LETM1: variants seen among roughly 807,000 people sequenced by gnomAD.
LETM1 encodes the protein mitochondrial proton/calcium exchanger protein.
In LETM1, 50 loss-of-function variants were observed where a neutral mutation model predicts 74.5. The observed-to-expected ratio is 0.67, with a 90% CI of 0.53 to 0.85. The LOEUF is 0.85. LETM1 is among the 40% of genes least tolerant of loss of function. The pLI, the probability that LETM1 is intolerant of heterozygous loss-of-function variation, is 0.00. For missense variants in LETM1, 824 were observed against 967.8 expected (o/e 0.85, Z 1.97); for synonymous variants, 446 against 407.1 (o/e 1.10, Z -1.15).
chr4:1,822,687 G>A (rs749034388), intron 9 of LETM1: 12 of 353,198 alleles, frequency 3.4e-5, no homozygotes, highest in South Asian at 1.5e-4. Context: ...CTCTGCCAGC[G>A]CCCCTCACAG....
At chr4:1,845,097 G>T (rs563963893) in intron 2 of LETM1, among the ~76,000 whole-genome samples, 127 of 151,912 alleles carry the variant, frequency 8.4e-4, no homozygotes, top group African/African-American at 3.0e-3. Context: ...GGCTGAGGCA[G>T]GAGAATTGCT....
At chr4:1,825,512 G>A (rs1457899182) in intron 7 of LETM1, 52 bp downstream of exon 7, 3 of 1,581,888 alleles carry the variant, frequency 1.9e-6, no homozygotes, top group African/African-American at 1.3e-5. Context: ...TTTCGAGGCT[G>A]ATGTTTCCCT....
chr4:1,835,064 C>T, intron 4 of LETM1, 82 bp from the exon 5 acceptor site: 1 of 1,345,010 alleles, frequency 7.4e-7, no homozygotes, highest in Non-Finnish European at 1.0e-6. Context: ...CTGTGCCCGA[C>T]CCCCACTCCC....
At chr4:1,855,641 C>A (rs1713214917) in intron 1 of LETM1, among the ~76,000 whole-genome samples, 1 of 152,352 alleles carries the variant, frequency 6.6e-6, no homozygotes, top group Admixed American at 6.5e-5. Flanking sequence ...ACCCGGGGGA[C>A]CCGGCCGCCT....
intron 1 of LETM1, 64 bp downstream of exon 1, chr4:1,855,805 G>T: frequency 1.0e-6 from 1 of 998,158 alleles, no homozygotes; most frequent in Non-Finnish European, 1.3e-6. Flanking sequence ...CGAACCCGCG[G>T]GTCGTCCGCG....
At chr4:1,815,611 C>T (rs998197211) in intron 13 of LETM1, 53 bp downstream of exon 13, 3 of 1,602,314 alleles carry the variant, frequency 1.9e-6, no homozygotes, top group African/African-American at 1.3e-5. Context: ...CCCTGCCCCA[C>T]CCCACTCCAG....
In LETM1 at chr4:1,831,339, G is replaced by A. The variant is rs558986417; in HGVS notation, c.1080+1405C>T. On this transcript the variant is annotated intron_variant, in intron 6 of 13. Coordinates refer to ENST00000302787, the MANE Select transcript of LETM1 (RefSeq NM_012318.3). ...CCACAGACATCTGCGGGACAGCGGT[G>A]CTGCTTGCTACCGCTGGGAACGGGT... 9.2e-5 allele frequency among the ~76,000 whole-genome samples: 14 copies of A among 152,364 alleles called. No individual in the cohort carries two copies. In the South Asian group the frequency reaches 2.7e-3, roughly 29 times the overall value.
At chr4:1,844,963 G>A (rs940434018) in intron 2 of LETM1, among the ~76,000 whole-genome samples, 5 of 151,226 alleles carry the variant, frequency 3.3e-5, no homozygotes, top group African/African-American at 7.3e-5. Flanking sequence ...AGGCCGAGGC[G>A]GGCAGATCAC....
chr4:1,821,894 C>T (rs368359142), intron 10 of LETM1, among the ~76,000 whole-genome samples: 5 of 152,196 alleles, frequency 3.3e-5, no homozygotes, highest in South Asian at 2.1e-4. Flanking sequence ...TGAAACCTGC[C>T]GACTGGCATC....
chr4:1,832,702 G>A, intron 6 of LETM1, 42 bp downstream of exon 6: 3 of 1,582,168 alleles, frequency 1.9e-6, no homozygotes, highest in Non-Finnish European at 1.7e-6. Flanking sequence ...AAACGAAAAG[G>A]TAAAACACCA....
intron 11 of LETM1, 137 bp from the exon 12 acceptor site, chr4:1,817,051 GC>G: frequency 1.5e-6 from 1 of 650,058 alleles, no homozygotes; most frequent in Non-Finnish European, 2.6e-6. Context: ...TTCGAGACCA[GC>G]CTGGCCAATG....
At chr4:1,824,121 G>A (rs865873819) in intron 7 of LETM1, among the ~76,000 whole-genome samples, 3 of 152,156 alleles carry the variant, frequency 2.0e-5, no homozygotes, top group African/African-American at 7.2e-5. Context: ...TCAGAAGTTC[G>A]AGACCAGCCT....
At chr4:1,839,609 C>A (rs974185211) in intron 3 of LETM1, among the ~76,000 whole-genome samples, 2 of 152,214 alleles carry the variant, frequency 1.3e-5, no homozygotes, top group Non-Finnish European at 2.9e-5. Context: ...GCCCTTGTTA[C>A]AGTCTTGTGA....
chr4:1,844,241 T>G (rs1712805619), intron 2 of LETM1, among the ~76,000 whole-genome samples: 1 of 152,208 alleles, frequency 6.6e-6, no homozygotes, highest in African/African-American at 2.4e-5. Flanking sequence ...GCATTCACGC[T>G]AAGTACAGAT....
At chr4:1,848,016 A>T (rs1577327354) in intron 2 of LETM1, among the ~76,000 whole-genome samples, 1 of 151,936 alleles carries the variant, frequency 6.6e-6, no homozygotes, top group East Asian at 1.9e-4. Context: ...AAATAAAAAA[A>T]AAAAAGAAAA....
chr4:1,815,751 C>CT lies in LETM1; in HGVS notation c.1982dup (p.His662AlafsTer16). The CT allele has an allele frequency of 6.2e-7, 1 of 1,614,218 alleles. No individual in the cohort carries two copies. Among genetic ancestry groups the CT allele is most frequent in the Non-Finnish European group, 8.5e-7 (1 of 1,180,018 alleles). ...TGGTGAGCTTGCTTTCGGGAATGTGCTTGACTTGCTTCATGGCGTTGATGA... is the reference window on the plus strand; with the variant it reads ...TGGTGAGCTTGCTTTCGGGAATGTGCTTTGACTTGCTTCATGGCGTTGATGA... On this transcript the variant is annotated frameshift_variant, in exon 13 of 14. Coordinates refer to ENST00000302787, the MANE Select transcript of LETM1 (RefSeq NM_012318.3). LOFTEE classifies it high-confidence loss of function.
Position 1,855,872 on chromosome 4 carries a change from G to A in LETM1, c.79C>T (p.Arg27Trp). Residue 27 changes from arginine to tryptophan, a missense_variant, in exon 1 of 14, where the codon CGG becomes TGG. Arg to Trp is a moderately radical substitution (Grantham distance 101). Around this residue, in one of 4 missense-constraint regions of LETM1, gnomAD observed 222 missense variants for 195.6 expected, o/e 1.14. Transcript: ENST00000302787. ...CCCTGGGGTGCCCGCCGCTTACCCC[G>A]CGGGACGGTGTACCGAGGCGGCGGC... Reference protein sequence around the residue: ...LPPPPRYTVPRGSPGDPAHLS... With the variant: ...LPPPPRYTVPWGSPGDPAHLS... The A allele has an allele frequency of 2.4e-6, 3 of 1,232,498 alleles. No individual in the cohort carries two copies. The highest frequency in any genetic ancestry group is 3.0e-6 in the Non-Finnish European group (3 of 989,520). 76.3% of individuals were successfully genotyped at this position (1,232,498 alleles called of 1,614,324 possible). A position where few individuals can be genotyped will look rare whatever the true frequency, so the allele number is the denominator to read the frequency against.
intron 6 of LETM1, among the ~76,000 whole-genome samples, chr4:1,827,715 G>A (rs1712047985): frequency 6.9e-6 from 1 of 145,326 alleles, no homozygotes. Context: ...GCAACCATCC[G>A]ATTTCTCAAT....
At chr4:1,833,262 A>G (rs113652442) in intron 5 of LETM1, 19,123 of 347,374 alleles carry the variant, frequency 0.055, 2,792 homozygotes, top group African/African-American at 0.34. Flanking sequence ...TAGAGATGGG[A>G]TTTCACTATG....
Sources: allele counts gnomAD v4.1 joint callset (sites outside exome capture counted in the v4.1 genomes callset), GRCh38; gene constraint gnomAD v4.1.1; regional missense constraint gnomAD v4.1.1; transcripts MANE v1.5; gene names NCBI Gene and HGNC (gene_info 2026-07-23, HGNC 2026-07-21).